DCC: variants seen among roughly 807,000 people sequenced by gnomAD.
The protein encoded by DCC is netrin receptor DCC.
In DCC, 58 loss-of-function variants were observed where a neutral mutation model predicts 172.5. The observed-to-expected ratio is 0.34, with a 90% confidence interval of 0.27 to 0.42. The LOEUF (loss-of-function observed/expected upper bound fraction) is 0.42, where lower values mean the gene tolerates loss of function less well. Among genes scored for constraint, DCC ranks in the 10% least tolerant of loss-of-function variants. The pLI is 1.00. For synonymous variants in DCC, 709 were observed against 644.5 expected, an observed-to-expected ratio of 1.10 and a Z score of -1.52; for missense variants, 1,740 against 1,791.0, an observed-to-expected ratio of 0.97 and a Z score of 0.51.
intron 9 of DCC, among the ~76,000 whole-genome samples, chr18:53,184,003 A>T (rs1293641862): frequency 6.4e-5 from 2 of 31,100 alleles, no homozygotes; most frequent in South Asian, 5.1e-4. Flanking sequence ...CATCTCATTT[A>T]AAAAAAAAAA....
intron 2 of DCC, among the ~76,000 whole-genome samples, chr18:52,859,855 A>G (rs1853990076): frequency 6.6e-6 from 1 of 152,218 alleles, no homozygotes; most frequent in Non-Finnish European, 1.5e-5. Flanking sequence ...TAAAAAGGCA[A>G]ATTGGTAGCT....
chr18:52,968,299 G>T (rs1175958707), intron 5 of DCC, among the ~76,000 whole-genome samples: 2 of 152,194 alleles, frequency 1.3e-5, no homozygotes, highest in South Asian at 2.1e-4. Flanking sequence ...AATAGTGAGG[G>T]TGTTGAAGGA....
chr18:52,580,103 C>T (rs1002616848), intron 1 of DCC, among the ~76,000 whole-genome samples: 1 of 152,206 alleles, frequency 6.6e-6, no homozygotes, highest in African/African-American at 2.4e-5. Context: ...GCACTCTTAG[C>T]CTCTGTGCTG....
intron 5 of DCC, among the ~76,000 whole-genome samples, chr18:52,953,010 A>AAC (rs1644631201): frequency 6.7e-6 from 1 of 149,922 alleles, no homozygotes. Flanking sequence ...CAAAAAAAAA[A>AAC]AAAAAAAAAA....
intron 1 of DCC, among the ~76,000 whole-genome samples, chr18:52,356,994 A>G (rs957448576): frequency 6.6e-6 from 1 of 152,160 alleles, no homozygotes; most frequent in Admixed American, 6.5e-5. Context: ...CATGTTGGCC[A>G]GGCTGGTCTT....
At chr18:53,186,704 G>A (rs187133566) in intron 9 of DCC, among the ~76,000 whole-genome samples, 1 of 152,314 alleles carries the variant, frequency 6.6e-6, no homozygotes, top group Non-Finnish European at 1.5e-5. Flanking sequence ...AAGGGCAGAA[G>A]TTTCTTTCTT....
At chr18:52,475,918 C>T (rs1048820244) in intron 1 of DCC, among the ~76,000 whole-genome samples, 2 of 152,172 alleles carry the variant, frequency 1.3e-5, no homozygotes, top group African/African-American at 4.8e-5. Flanking sequence ...TCTTCTTCAC[C>T]TTATATGCTT....
At chr18:53,216,013 C>T (rs997702206) in intron 12 of DCC, among the ~76,000 whole-genome samples, 35 of 152,148 alleles carry the variant, frequency 2.3e-4, no homozygotes, top group African/African-American at 6.8e-4. Context: ...TTGAATATTT[C>T]GTCATCATCC....
chr18:53,002,226 G>C (rs1024707362), intron 5 of DCC, among the ~76,000 whole-genome samples: 1 of 152,060 alleles, frequency 6.6e-6, no homozygotes, highest in African/African-American at 2.4e-5. Context: ...GTGTGAATGA[G>C]AGCTACCATG....
intron 11 of DCC, among the ~76,000 whole-genome samples, chr18:53,214,662 T>G (rs2055817217): frequency 6.6e-6 from 1 of 152,150 alleles, no homozygotes; most frequent in African/African-American, 2.4e-5. Flanking sequence ...TTAATATGTG[T>G]TAACAATTTA....
At chr18:53,120,467 A>G (rs1345226577) in intron 7 of DCC, among the ~76,000 whole-genome samples, 2 of 151,830 alleles carry the variant, frequency 1.3e-5, no homozygotes, top group Admixed American at 6.6e-5. Flanking sequence ...CTCTTACTTA[A>G]TAACAGGAAG....
chr18:53,475,907 T>A (rs1253364039), intron 25 of DCC, among the ~76,000 whole-genome samples: 2 of 152,120 alleles, frequency 1.3e-5, no homozygotes, highest in Non-Finnish European at 2.9e-5. Flanking sequence ...GGATGTACCC[T>A]GCAGAGCCAC....
chr18:52,653,342 A>G (rs1480900307), intron 1 of DCC, among the ~76,000 whole-genome samples: 1 of 152,208 alleles, frequency 6.6e-6, no homozygotes, highest in Non-Finnish European at 1.5e-5. Context: ...CTTTTTATGT[A>G]TGACCAGGTG....
intron 1 of DCC, among the ~76,000 whole-genome samples, chr18:52,570,377 T>A (rs2033264478): frequency 6.6e-6 from 1 of 152,186 alleles, no homozygotes; most frequent in Non-Finnish European, 1.5e-5. Flanking sequence ...AGGAGATGTA[T>A]AGTTTAAAAT....
intron 1 of DCC, among the ~76,000 whole-genome samples, chr18:52,403,146 T>C (rs1986503533): frequency 6.6e-6 from 1 of 151,998 alleles, no homozygotes; most frequent in Admixed American, 6.6e-5. Flanking sequence ...AGGCAAAAGC[T>C]TTGCCTATAG....
chr18:53,037,408 G>A (rs1232922057), intron 5 of DCC, among the ~76,000 whole-genome samples: 2 of 151,952 alleles, frequency 1.3e-5, no homozygotes, highest in Non-Finnish European at 2.9e-5. Flanking sequence ...AAGGCACAAT[G>A]TCCACAAGTG....
chr18:52,928,682 A>G (rs147058911), intron 5 of DCC, among the ~76,000 whole-genome samples: 11 of 152,276 alleles, frequency 7.2e-5, no homozygotes, highest in African/African-American at 2.6e-4. Flanking sequence ...TGTGGGAAGT[A>G]CGTAGGTCGA....
intron 7 of DCC, among the ~76,000 whole-genome samples, chr18:53,146,271 AAAAG>A (rs1451026133): frequency 3.3e-5 from 5 of 152,202 alleles, no homozygotes; most frequent in African/African-American, 1.2e-4. Flanking sequence ...TTTATGAAAA[AAAAG>A]AAATTTATTT....
intron 2 of DCC, among the ~76,000 whole-genome samples, chr18:52,775,908 C>T (rs1411959047): frequency 2.0e-5 from 3 of 152,180 alleles, no homozygotes; most frequent in African/African-American, 7.2e-5. Flanking sequence ...CCTTTCTCTA[C>T]CCGGCACTTC....
Sources: gnomAD v4.1 joint callset for allele counts (sites outside exome capture counted in the v4.1 genomes callset) on GRCh38, gnomAD v4.1.1 for gene constraint, MANE v1.5 for transcripts, NCBI Gene and HGNC (gene_info 2026-07-23, HGNC 2026-07-21) for gene names.